The following CEP126 variants were observed in gnomAD, a reference collection of about 807,000 sequenced individuals.
The protein encoded by CEP126 is centrosomal protein 126.
In CEP126, 74 loss-of-function variants were observed where a neutral mutation model predicts 107.8. The observed-to-expected ratio is 0.69, with a 90% CI of 0.57 to 0.83. CEP126 has a LOEUF of 0.83. CEP126 is among the 40% of genes least tolerant of loss of function. The pLI is 0.00. For synonymous variants in CEP126, 449 were observed against 446.0 expected (o/e 1.01, Z -0.08); for missense variants, 1,237 against 1,281.9 (o/e 0.96, Z 0.53).
intron 6 of CEP126, among the ~76,000 whole-genome samples, chr11:101,969,532 G>A (rs1360190023): frequency 6.6e-6 from 1 of 152,110 alleles, no homozygotes; most frequent in African/African-American, 2.4e-5. Flanking sequence ...GGAAAAGTCT[G>A]TATTAAAAAG....
chr11:101,919,243 G>A (rs1940284371), intron 1 of CEP126, among the ~76,000 whole-genome samples: 1 of 152,012 alleles, frequency 6.6e-6, no homozygotes, highest in Non-Finnish European at 1.5e-5. Flanking sequence ...GTACAGTAGA[G>A]GAAAAATCGA....
chr11:101,926,240 C>T (rs1940408569), intron 2 of CEP126, among the ~76,000 whole-genome samples: 1 of 152,042 alleles, frequency 6.6e-6, no homozygotes, highest in Non-Finnish European at 1.5e-5. Context: ...GAAAGAATTC[C>T]TGGAAGAACA....
intron 6 of CEP126, among the ~76,000 whole-genome samples, chr11:101,969,445 G>T (rs1337347078): frequency 2.0e-5 from 3 of 152,182 alleles, no homozygotes; most frequent in African/African-American, 7.2e-5. Context: ...AGAGGCAGGG[G>T]TAGGGGTATG....
At chr11:101,927,142 A>T (rs1940424411) in intron 2 of CEP126, among the ~76,000 whole-genome samples, 1 of 152,192 alleles carries the variant, frequency 6.6e-6, no homozygotes, top group Non-Finnish European at 1.5e-5. Flanking sequence ...TCTCTACTAA[A>T]AATACAAAAA....
chr11:101,918,239 G>A (rs1040995310), intron 1 of CEP126, among the ~76,000 whole-genome samples: 7 of 152,140 alleles, frequency 4.6e-5, no homozygotes, highest in Non-Finnish European at 1.0e-4. Flanking sequence ...CTTGAGTCCA[G>A]GAGTTCGAAA....
At position 101,921,722 on chromosome 11, in the gene CEP126, A is replaced by C. The variant is rs1278090995; in HGVS notation, c.129-919A>C. Among the ~76,000 whole-genome samples, 28 of 149,850 alleles carry C rather than the reference A, an allele frequency of 1.9e-4. No homozygotes were observed. The South Asian group carries it at 4.6e-3, about 25-fold the overall frequency. On this transcript the variant is annotated intron_variant, in intron 1 of 10. Transcript: ENST00000263468. The stretch of plus-strand genomic sequence containing the variant: ...ACTCTGTCTCAAAAAAAAAAAAAAA[A>C]AAACTGTGTAATGAATGAAGATATA...
intron 1 of CEP126, 137 bp downstream of exon 1, chr11:101,915,549 C>CA: frequency 8.6e-7 from 1 of 1,168,158 alleles, no homozygotes; most frequent in Non-Finnish European, 1.2e-6. Flanking sequence ...TTTCCTTTAG[C>CA]AACTGTCGTG....
Position 101,948,125 on chromosome 11 carries a change from A to G in CEP126, c.489A>G (p.Arg163=), listed in dbSNP as rs1479020874. 2 of 1,600,344 alleles carry G rather than the reference A, an allele frequency of 1.2e-6. No homozygotes were observed. Residue 163 remains arginine (R), a synonymous_variant, in exon 4 of 11, where the codon AGA becomes AGG. Coordinates refer to ENST00000263468, the MANE Select transcript of CEP126 (RefSeq NM_020802.4). Reference sequence around the variant, plus strand: ...AAGTAAACCTTCCCTTTTCCCGTAGACCAACAATAAACTGGAGGTAAGTAA... The same window carrying G: ...AAGTAAACCTTCCCTTTTCCCGTAGGCCAACAATAAACTGGAGGTAAGTAA... The part of the protein sequence containing the change: ...KSEVNLPFSR[R]PTINWRAIDS...
chr11:101,919,774 A>T (rs770968080), intron 1 of CEP126, among the ~76,000 whole-genome samples: 4 of 152,188 alleles, frequency 2.6e-5, no homozygotes, highest in Non-Finnish European at 5.9e-5. Context: ...TGCTGTCGTG[A>T]TGAGACTTCA....
At chr11:101,986,057 A>G (rs1941313390) in intron 8 of CEP126, among the ~76,000 whole-genome samples, 1 of 141,668 alleles carries the variant, frequency 7.1e-6, no homozygotes, top group African/African-American at 2.7e-5. Flanking sequence ...ATCTCAGCTC[A>G]CTGCAACCTC....
chr11:101,980,116 A>C (rs756667590), intron 7 of CEP126, among the ~76,000 whole-genome samples: 11 of 152,164 alleles, frequency 7.2e-5, no homozygotes, highest in Non-Finnish European at 1.3e-4. Context: ...CAAGTCATTT[A>C]GTTGTATGTT....
chr11:101,916,055 A>G (rs1358162361), intron 1 of CEP126: 2 of 152,246 alleles, frequency 1.3e-5, no homozygotes, highest in African/African-American at 2.4e-5. Context: ...TAGAAAATGG[A>G]AAGAGGAGAA....
intron 2 of CEP126, among the ~76,000 whole-genome samples, chr11:101,929,645 G>C (rs1416896319): frequency 6.6e-6 from 1 of 152,104 alleles, no homozygotes; most frequent in Non-Finnish European, 1.5e-5. Context: ...CGTCCTGCTG[G>C]GTAGGTGAAA....
In CEP126 at chr11:101,959,199, CA is replaced by C. The variant is rs1224477768; in HGVS notation, c.705+834del. ...TTGAGATGGAGTCTCACTCTGTCAC[CA>C]GGCTGGAGTACAGTGGTGCAATCTC... On this transcript the variant is annotated intron_variant, in intron 5 of 10. Transcript: ENST00000263468. 2.0e-5 allele frequency among the ~76,000 whole-genome samples: 3 copies of C among 151,714 alleles called. No homozygotes were observed. In the East Asian group the frequency reaches 5.8e-4, roughly 29 times the overall value.
At chr11:101,947,555 A>C (rs1044449312) in intron 3 of CEP126, among the ~76,000 whole-genome samples, 9 of 152,164 alleles carry the variant, frequency 5.9e-5, no homozygotes, top group Non-Finnish European at 2.9e-5. Flanking sequence ...TGCCTTCTCT[A>C]TGCCTTAGTT....
intron 4 of CEP126, among the ~76,000 whole-genome samples, chr11:101,955,208 A>ACAT (rs1238122020): frequency 7.3e-6 from 1 of 136,112 alleles, no homozygotes; most frequent in Non-Finnish European, 1.6e-5. Flanking sequence ...TAAGAATATT[A>ACAT]ATAAGGGAGT....
intron 2 of CEP126, among the ~76,000 whole-genome samples, chr11:101,940,190 G>A (rs1025862267): frequency 2.6e-5 from 4 of 152,130 alleles, no homozygotes; most frequent in South Asian, 4.1e-4. Context: ...ACATAAAGAC[G>A]ACAGTTGCCT....
At chr11:101,943,729 A>G (rs1036075534) in intron 2 of CEP126, among the ~76,000 whole-genome samples, 2 of 152,110 alleles carry the variant, frequency 1.3e-5, no homozygotes, top group Admixed American at 1.3e-4. Flanking sequence ...TTAAGAATCC[A>G]GATTTGCCAG....
chr11:101,964,108 C>G (rs61916024), intron 6 of CEP126, among the ~76,000 whole-genome samples: 11 of 146,852 alleles, frequency 7.5e-5, no homozygotes, highest in Non-Finnish European at 1.5e-4. Context: ...GAGTTCAAGA[C>G]CAGCCTGGCT....
Sources: allele counts gnomAD v4.1 joint callset (sites outside exome capture counted in the v4.1 genomes callset), GRCh38; gene constraint gnomAD v4.1.1; transcripts MANE v1.5; gene names NCBI Gene and HGNC (gene_info 2026-07-23, HGNC 2026-07-21).